Variants in ABCG2 observed in about 807,000 individuals in gnomAD.
The protein encoded by ABCG2 is broad substrate specificity ATP-binding cassette transporter ABCG2.
A neutral mutation model predicts 73.5 loss-of-function variants in ABCG2; 80 were observed. That is an observed-to-expected ratio of 1.09 (90% CI 0.91 to 1.31). The LOEUF (loss-of-function observed/expected upper bound fraction) is 1.31, where lower values mean the gene tolerates loss of function less well. Ranked by LOEUF, ABCG2 falls within the 50% of genes most tolerant of loss-of-function variation. ABCG2 has a pLI of 0.00. For synonymous variants in ABCG2, 269 were observed against 282.4 expected, an observed-to-expected ratio of 0.95 and a Z score of 0.48; for missense variants, 796 against 786.2, an observed-to-expected ratio of 1.01 and a Z score of -0.15.
At chr4:88,096,797 C>T (rs140979723) in intron 13 of ABCG2, among the ~76,000 whole-genome samples, 5 of 151,460 alleles carry the variant, frequency 3.3e-5, no homozygotes, top group African/African-American at 1.2e-4. Context: ...AGGAACGAAA[C>T]CCAGAAAGGA....
chr4:88,168,347 C>T (rs1197328872), intron 1 of ABCG2, among the ~76,000 whole-genome samples: 1 of 151,958 alleles, frequency 6.6e-6, no homozygotes, highest in South Asian at 2.1e-4. Flanking sequence ...ATTAGCTGAG[C>T]ATGGTGGCAT....
At chr4:88,163,747 A>G (rs1046411479), upstream of ABCG2, 1 of 416,690 alleles carries the variant, frequency 2.4e-6, no homozygotes, top group Non-Finnish European at 4.8e-6. Context: ...CATGAAGGAG[A>G]TGGGAACTCC....
At chr4:88,135,895 G>A (rs1463758671) in intron 2 of ABCG2, among the ~76,000 whole-genome samples, 2 of 151,956 alleles carry the variant, frequency 1.3e-5, no homozygotes, top group African/African-American at 4.8e-5. Flanking sequence ...TATCCTTAAC[G>A]TACATCCTTA....
intron 1 of ABCG2, among the ~76,000 whole-genome samples, chr4:88,164,851 C>T (rs944965470): frequency 4.6e-5 from 7 of 152,166 alleles, no homozygotes; most frequent in African/African-American, 7.2e-5. Context: ...AATCTCAGCT[C>T]GCCACAACCT....
intron 1 of ABCG2, among the ~76,000 whole-genome samples, chr4:88,169,649 C>G (rs80297013): frequency 0.045 from 6,857 of 152,164 alleles, 252 homozygotes; most frequent in South Asian, 0.11. Flanking sequence ...ATGCTCCAAA[C>G]GGCACAAACA....
chr4:88,137,062 AG>A (rs1725308635), intron 2 of ABCG2, among the ~76,000 whole-genome samples: 2 of 149,930 alleles, frequency 1.3e-5, no homozygotes, highest in South Asian at 2.1e-4. Context: ...AAATAAAATA[AG>A]AATGAGGAGA....
chr4:88,176,932 C>T (rs915974075), intron 1 of ABCG2, among the ~76,000 whole-genome samples: 4 of 151,962 alleles, frequency 2.6e-5, no homozygotes, highest in African/African-American at 9.7e-5. Flanking sequence ...CAAGTATTCT[C>T]CACCATTAAA....
intron 1 of ABCG2, among the ~76,000 whole-genome samples, chr4:88,206,916 C>T (rs1380196935): frequency 6.6e-6 from 1 of 152,120 alleles, no homozygotes; most frequent in Admixed American, 6.6e-5. Context: ...CCCACCCGAC[C>T]CAGAAGCCCA....
chr4:88,095,032 T>C (rs991184644), intron 14 of ABCG2, among the ~76,000 whole-genome samples: 1 of 152,234 alleles, frequency 6.6e-6, no homozygotes, highest in Non-Finnish European at 1.5e-5. Flanking sequence ...CGTTCTTGTT[T>C]GTTTTCATTA....
At chr4:88,158,784 AG>A (rs1345295906), upstream of ABCG2, 6 of 352,020 alleles carry the variant, frequency 1.7e-5, no homozygotes, top group Non-Finnish European at 3.2e-5. Flanking sequence ...CTGCGGCTGG[AG>A]GTCACGATGG....
intron 7 of ABCG2, among the ~76,000 whole-genome samples, chr4:88,117,324 GA>G (rs113415313): frequency 0.11 from 14,350 of 133,288 alleles, 1,669 homozygotes; most frequent in African/African-American, 0.3. Flanking sequence ...TATCTCAAAA[GA>G]AAAAAAAAAA....
intron 1 of ABCG2, among the ~76,000 whole-genome samples, chr4:88,175,535 C>CTTTA (rs34348715): frequency 0.24 from 36,057 of 152,050 alleles, 5,635 homozygotes; most frequent in African/African-American, 0.45. Context: ...GATTCTTTTC[C>CTTTA]TTTGTTTTCA....
chr4:88,146,986 AAAAG>A (rs1419812062), intron 1 of ABCG2, among the ~76,000 whole-genome samples: 13 of 110,220 alleles, frequency 1.2e-4, no homozygotes, highest in Admixed American at 3.6e-4. Flanking sequence ...AAAGGAAGGA[AAAAG>A]AAAGAAAGAA....
chr4:88,171,322 T>C (rs1396603487), intron 1 of ABCG2, among the ~76,000 whole-genome samples: 5 of 135,356 alleles, frequency 3.7e-5, no homozygotes, highest in Non-Finnish European at 7.9e-5. Flanking sequence ...ATAGAATGGA[T>C]GGGGGGATGT....
intron 10 of ABCG2, 23 bp from the exon 11 acceptor site, chr4:88,101,342 A>G (rs761565750): frequency 6.3e-7 from 1 of 1,597,466 alleles, no homozygotes; most frequent in Non-Finnish European, 8.6e-7. Context: ...GGGGAACCAA[A>G]TCACCGCAGT....
upstream of ABCG2, chr4:88,163,698 G>A (rs920498709): frequency 4.4e-5 from 16 of 366,288 alleles, no homozygotes; most frequent in South Asian, 3.4e-4. Flanking sequence ...GCTTCAAGAA[G>A]TGTGTCCCTG....
Position 88,094,582 on chromosome 4 carries a change from A to G in ABCG2, c.1815T>C (p.Tyr605=). The G allele has an allele frequency of 6.2e-7, 1 of 1,613,444 alleles. No homozygotes were observed. The highest frequency in any genetic ancestry group is 8.5e-7 in the Non-Finnish European group (1 of 1,179,308). Residue 605 remains tyrosine, a synonymous_variant, in exon 15 of 16, where the codon TAT becomes TAC. Transcript: ENST00000237612. The stretch of plus-strand genomic sequence containing the variant: ...GACACTGAACAAAAACTTACGTTGC[A>G]TAGTTACAAGGATTGTTTCCTGTTG... The part of the protein sequence containing the change: ...LNATGNNPCN[Y]ATCTGEEYLV...
chr4:88,161,273 A>T (rs1727291984), upstream of ABCG2, among the ~76,000 whole-genome samples: 1 of 114,802 alleles, frequency 8.7e-6, no homozygotes, highest in East Asian at 2.7e-4. Context: ...TGCACCCACT[A>T]ACGTGTCATC....
At chr4:88,174,583 GGTTTCTCCAT>G (rs1727880627) in intron 1 of ABCG2, among the ~76,000 whole-genome samples, 1 of 152,134 alleles carries the variant, frequency 6.6e-6, no homozygotes, top group South Asian at 2.1e-4. Context: ...AGACAGACAG[GGTTTCTCCAT>G]GTTGGTCAGG....
Sources: gnomAD v4.1 joint callset for allele counts (sites outside exome capture counted in the v4.1 genomes callset) on GRCh38, gnomAD v4.1.1 for gene constraint, MANE v1.5 for transcripts, NCBI Gene and HGNC (gene_info 2026-07-23, HGNC 2026-07-21) for gene names.